Variants in CRIM1 observed in about 807,000 individuals in gnomAD.
CRIM1 encodes cysteine-rich motor neuron 1 protein.
A neutral mutation model predicts 116.4 loss-of-function variants in CRIM1; 32 were observed. That is an observed-to-expected ratio of 0.27 (90% CI 0.21 to 0.37). The LOEUF (loss-of-function observed/expected upper bound fraction) is 0.37, where lower values mean the gene tolerates loss of function less well. Ranked by LOEUF, CRIM1 falls within the 10% of genes least tolerant of loss-of-function variation. The pLI is 1.00. For missense variants in CRIM1, 1,331 were observed against 1,354.8 expected, an observed-to-expected ratio of 0.98 and a Z score of 0.28; for synonymous variants, 590 against 509.2, an observed-to-expected ratio of 1.16 and a Z score of -2.13.
intron 2 of CRIM1, among the ~76,000 whole-genome samples, chr2:36,427,634 T>A (rs1187451228): frequency 6.6e-6 from 1 of 152,250 alleles, no homozygotes; most frequent in Non-Finnish European, 1.5e-5. Flanking sequence ...TTCCTCTGGC[T>A]GGACTTCATC....
At chr2:36,362,817 A>G (rs1386368243) in intron 1 of CRIM1, among the ~76,000 whole-genome samples, 1 of 152,206 alleles carries the variant, frequency 6.6e-6, no homozygotes. Context: ...TGCAAAGTGA[A>G]CAGGTATCAA....
intron 6 of CRIM1, among the ~76,000 whole-genome samples, chr2:36,478,906 C>A (rs1299082216): frequency 6.6e-6 from 1 of 151,926 alleles, no homozygotes; most frequent in Non-Finnish European, 1.5e-5. Context: ...AGCTTCCCAA[C>A]TTATGGGAGA....
intron 5 of CRIM1, among the ~76,000 whole-genome samples, chr2:36,464,871 A>G (rs1677880901): frequency 6.6e-6 from 1 of 152,208 alleles, no homozygotes; most frequent in Admixed American, 6.5e-5. Context: ...GATTCTGGAA[A>G]TGTAATAGCA....
chr2:36,392,539 C>T (rs1471246282), intron 1 of CRIM1, among the ~76,000 whole-genome samples: 1 of 152,014 alleles, frequency 6.6e-6, no homozygotes, highest in African/African-American at 2.4e-5. Flanking sequence ...TGTGGATTTA[C>T]TTAGGAAAAG....
At chr2:36,484,879 A>G (rs952271694) in intron 7 of CRIM1, among the ~76,000 whole-genome samples, 11 of 152,208 alleles carry the variant, frequency 7.2e-5, no homozygotes, top group Non-Finnish European at 1.2e-4. Flanking sequence ...CGGTTGGGCA[A>G]ATGGGTAGTT....
chr2:36,492,021 TGTCTTTTGTG>T (rs1315456907), intron 7 of CRIM1, among the ~76,000 whole-genome samples: 3 of 152,192 alleles, frequency 2.0e-5, no homozygotes, highest in Admixed American at 1.3e-4. Flanking sequence ...AATTTTAATT[TGTCTTTTGTG>T]GTCTTTTAAT....
chr2:36,403,980 T>C (rs946308195), intron 2 of CRIM1, among the ~76,000 whole-genome samples: 10 of 152,062 alleles, frequency 6.6e-5, no homozygotes, highest in African/African-American at 2.4e-4. Flanking sequence ...ATAAATGATG[T>C]GAGGAGTATG....
intron 5 of CRIM1, among the ~76,000 whole-genome samples, chr2:36,470,180 A>G (rs768300212): frequency 7.2e-5 from 11 of 152,362 alleles, no homozygotes; most frequent in Non-Finnish European, 1.5e-4. Flanking sequence ...TGAAAACACT[A>G]GCCTGAATGA....
At chr2:36,417,379 T>G (rs1325038877) in intron 2 of CRIM1, among the ~76,000 whole-genome samples, 2 of 152,230 alleles carry the variant, frequency 1.3e-5, no homozygotes, top group Non-Finnish European at 2.9e-5. Context: ...TTTCAATTTT[T>G]TACTCACCTG....
chr2:36,419,616 G>C (rs1369481017), intron 2 of CRIM1, among the ~76,000 whole-genome samples: 2 of 152,182 alleles, frequency 1.3e-5, no homozygotes, highest in African/African-American at 4.8e-5. Flanking sequence ...TTAAGAAGGA[G>C]GTCTTGTGCC....
At chr2:36,522,567 C>T (rs1665468689) in intron 13 of CRIM1, among the ~76,000 whole-genome samples, 1 of 151,766 alleles carries the variant, frequency 6.6e-6, no homozygotes, top group African/African-American at 2.4e-5. Flanking sequence ...TTTGGGAGGC[C>T]GAGGCAGACG....
intron 1 of CRIM1, among the ~76,000 whole-genome samples, chr2:36,380,358 A>T (rs571493795): frequency 2.6e-5 from 4 of 152,054 alleles, no homozygotes; most frequent in Admixed American, 1.3e-4. Flanking sequence ...ATGTCATGGT[A>T]CTCTGCGCTG....
intron 1 of CRIM1, among the ~76,000 whole-genome samples, chr2:36,385,482 G>C: frequency 6.6e-6 from 1 of 152,284 alleles, no homozygotes; most frequent in East Asian, 1.9e-4. Flanking sequence ...GATTAGTTGA[G>C]ATCATGTTTA....
At chr2:36,505,135 T>C (rs1287107291) in intron 8 of CRIM1, among the ~76,000 whole-genome samples, 1 of 152,204 alleles carries the variant, frequency 6.6e-6, no homozygotes, top group African/African-American at 2.4e-5. Context: ...AGGGTCAAAA[T>C]TGGGACCACC....
rs201330442 is a variant in CRIM1, at chr2:36,382,180, CCCTGTGGAA to C, written c.332-14431_332-14423del. 3.3e-5 allele frequency among the ~76,000 whole-genome samples: 5 copies of C among 152,268 alleles called. No homozygotes were observed. The East Asian group carries it at 9.6e-4, about 29-fold the overall frequency. Reference sequence around the variant, plus strand: ...AGGGCCTGGAACCGCCTCAGTAAACCCCTGTGGAACCACTAGCAGATCATGCTGTTTCCA... The same window carrying C: ...AGGGCCTGGAACCGCCTCAGTAAACCCCACTAGCAGATCATGCTGTTTCCA... On this transcript the variant is annotated intron_variant, in intron 1 of 16. Transcript: ENST00000280527.
chr2:36,543,131 G>A (rs192691797), intron 14 of CRIM1, among the ~76,000 whole-genome samples: 1 of 152,154 alleles, frequency 6.6e-6, no homozygotes, highest in East Asian at 1.9e-4. Flanking sequence ...TATTCTTGGA[G>A]GCAACAAGAT....
intron 15 of CRIM1, among the ~76,000 whole-genome samples, chr2:36,545,104 T>C (rs564133784): frequency 6.6e-6 from 1 of 152,316 alleles, no homozygotes; most frequent in African/African-American, 2.4e-5. Context: ...TCTTGATCAG[T>C]AGTATAAACT....
intron 1 of CRIM1, among the ~76,000 whole-genome samples, chr2:36,370,867 C>T (rs1248392004): frequency 1.3e-5 from 2 of 152,068 alleles, no homozygotes; most frequent in African/African-American, 2.4e-5. Flanking sequence ...ATTTAACTTC[C>T]CATAGGACCT....
chr2:36,548,982 G>T lies in CRIM1; in HGVS notation c.*281G>T. The T allele has an allele frequency of 4.7e-6, 1 of 211,614 alleles. No individual in the cohort carries two copies. The highest frequency in any genetic ancestry group is 9.4e-6 in the Non-Finnish European group (1 of 106,436). 13.1% of individuals were successfully genotyped at this position (211,614 alleles called of 1,614,324 possible). On this transcript the variant is annotated 3_prime_UTR_variant, in exon 17 of 17. Transcript: ENST00000280527. ...GATAGCTGTAGAGATATTTGGGGTG[G>T]GGACAGTGAGTTTGGATGGGGAAAT...
Sources: allele counts gnomAD v4.1 joint callset (sites outside exome capture counted in the v4.1 genomes callset), GRCh38; gene constraint gnomAD v4.1.1; transcripts MANE v1.5; gene names NCBI Gene and HGNC (gene_info 2026-07-23, HGNC 2026-07-21).